Variants in FOXN3 observed in about 807,000 individuals in gnomAD.
FOXN3 encodes forkhead box protein N3.
Under a neutral mutation model 38.4 loss-of-function variants are expected in FOXN3, and 7 were observed. That is an observed-to-expected ratio of 0.18 (90% CI 0.10 to 0.34). The LOEUF is 0.34. Ranked by LOEUF, FOXN3 falls within the 10% of genes least tolerant of loss-of-function variation. FOXN3 has a pLI of 1.00. For missense variants in FOXN3, 456 were observed against 613.4 expected (o/e 0.74, Z 2.71); for synonymous variants, 230 against 242.2 (o/e 0.95, Z 0.47).
chr14:89,368,856 A>G (rs1260433464), intron 2 of FOXN3, among the ~76,000 whole-genome samples: 4 of 152,202 alleles, frequency 2.6e-5, no homozygotes, highest in Admixed American at 1.3e-4. Flanking sequence ...CAGTTAATTA[A>G]TAACTGACGT....
chr14:89,218,837 T>C (rs1884366160), intron 4 of FOXN3, among the ~76,000 whole-genome samples: 1 of 152,210 alleles, frequency 6.6e-6, no homozygotes, highest in Admixed American at 6.5e-5. Context: ...ACAGTCACCA[T>C]TATGACCCTA....
At position 89,553,714 on chromosome 14, in the gene FOXN3, G is replaced by A. The variant is rs372575092; in HGVS notation, c.-15+65314C>T. Among the ~76,000 whole-genome samples, 47 of 152,138 alleles carry A rather than the reference G, an allele frequency of 3.1e-4. 1 individual carries two copies. The highest frequency in any genetic ancestry group is 9.6e-4 in the East Asian group (5 of 5,196). On this transcript the variant is annotated intron_variant, in intron 1 of 6. Transcript: ENST00000345097. ...CAGGGAAAGGGAATATCTAGGTGAG[G>A]TTTGATGATCACAACTACTCAAGGA...
At chr14:89,204,858 C>A (rs186204221) in intron 4 of FOXN3, among the ~76,000 whole-genome samples, 10 of 152,246 alleles carry the variant, frequency 6.6e-5, no homozygotes, top group Admixed American at 6.5e-4. Context: ...ATCCATCCAT[C>A]CATCATTGAG....
At chr14:89,360,591 A>C (rs1889443601) in intron 2 of FOXN3, among the ~76,000 whole-genome samples, 1 of 147,972 alleles carries the variant, frequency 6.8e-6, no homozygotes, top group African/African-American at 2.5e-5. Flanking sequence ...GAAGAAAGGG[A>C]GAGAGGGAGG....
intron 1 of FOXN3, among the ~76,000 whole-genome samples, chr14:89,555,837 T>TGGTGTGTG (rs1895103888): frequency 1.8e-5 from 1 of 56,374 alleles, no homozygotes; most frequent in South Asian, 5.9e-4. Flanking sequence ...TTCTAGTTCA[T>TGGTGTGTG]GGTGTGTGTG....
chr14:89,512,325 C>T (rs1255778854), intron 1 of FOXN3, among the ~76,000 whole-genome samples: 1 of 152,184 alleles, frequency 6.6e-6, no homozygotes, highest in Non-Finnish European at 1.5e-5. Flanking sequence ...AACATTTTTA[C>T]ACGGCATAGG....
chr14:89,302,555 T>C (rs957732365), intron 3 of FOXN3, among the ~76,000 whole-genome samples: 2 of 152,212 alleles, frequency 1.3e-5, no homozygotes, highest in African/African-American at 4.8e-5. Context: ...TGGAGGAAAC[T>C]GACTCACACA....
intron 3 of FOXN3, among the ~76,000 whole-genome samples, chr14:89,281,235 C>T (rs1042253848): frequency 1.4e-4 from 21 of 152,188 alleles, no homozygotes; most frequent in Admixed American, 1.3e-3. Context: ...CATCTTGACC[C>T]TGCTCACACC....
intron 2 of FOXN3, among the ~76,000 whole-genome samples, chr14:89,370,097 A>G (rs980068710): frequency 3.3e-5 from 5 of 152,182 alleles, no homozygotes; most frequent in African/African-American, 1.2e-4. Context: ...TTCTTTAATT[A>G]TTCATTTCAG....
At chr14:89,506,095 CAGCCGCCCCGTCCG>C (rs1566678934) in intron 1 of FOXN3, among the ~76,000 whole-genome samples, 1 of 140,808 alleles carries the variant, frequency 7.1e-6, no homozygotes, top group Non-Finnish European at 1.5e-5. Context: ...CCCGCCCGGC[CAGCCGCCCCGTCCG>C]GGAGGTGAGG....
At chr14:89,427,508 G>A (rs1185258908) in intron 1 of FOXN3, among the ~76,000 whole-genome samples, 2 of 143,464 alleles carry the variant, frequency 1.4e-5, no homozygotes, top group Admixed American at 1.4e-4. Flanking sequence ...TAGTAGAGAT[G>A]GGGTTTCACC....
At chr14:89,566,231 C>T (rs553112106) in intron 1 of FOXN3, among the ~76,000 whole-genome samples, 1 of 152,284 alleles carries the variant, frequency 6.6e-6, no homozygotes, top group South Asian at 2.1e-4. Flanking sequence ...TGTCAAATGA[C>T]ACCCTTTCAT....
intron 4 of FOXN3, among the ~76,000 whole-genome samples, chr14:89,270,381 C>A (rs1026442207): frequency 6.6e-6 from 1 of 152,230 alleles, no homozygotes. Flanking sequence ...CAAGACATTG[C>A]AGAAATGCTA....
intron 5 of FOXN3, among the ~76,000 whole-genome samples, chr14:89,178,549 T>C (rs1316427021): frequency 6.6e-6 from 1 of 152,206 alleles, no homozygotes; most frequent in Non-Finnish European, 1.5e-5. Context: ...GGCTGTCTTG[T>C]TTTCTTTTAC....
At chr14:89,257,173 T>G (rs772116397) in intron 4 of FOXN3, among the ~76,000 whole-genome samples, 13 of 152,178 alleles carry the variant, frequency 8.5e-5, no homozygotes, top group Non-Finnish European at 1.8e-4. Flanking sequence ...TATGGACACA[T>G]GGACCTATTT....
intron 3 of FOXN3, among the ~76,000 whole-genome samples, chr14:89,309,056 CTT>C (rs567325293): frequency 2.6e-5 from 4 of 152,136 alleles, no homozygotes; most frequent in Non-Finnish European, 4.4e-5. Flanking sequence ...AAAACTGTCT[CTT>C]TGTTTGTTTT....
chr14:89,229,633 G>C lies in FOXN3; in HGVS notation c.746-48827C>G, dbSNP rs1884746946. 3.9e-5 allele frequency among the ~76,000 whole-genome samples: 6 copies of C among 152,124 alleles called. No individual in the cohort carries two copies. The South Asian group carries it at 1.2e-3, about 32-fold the overall frequency. ...CTTCCCTAGCAGAAAATACACTTCC[G>C]ATGGTGTTTCTTTAGTAGGCATGTG... On this transcript the variant is annotated intron_variant, in intron 4 of 5. Coordinates refer to ENST00000557258, the MANE Select transcript of FOXN3 (RefSeq NM_005197.4).
At chr14:89,207,765 A>G (rs1380784587) in intron 4 of FOXN3, among the ~76,000 whole-genome samples, 1 of 152,246 alleles carries the variant, frequency 6.6e-6, no homozygotes, top group Non-Finnish European at 1.5e-5. Context: ...CCCTTTGTCA[A>G]CAAAGACAGG....
chr14:89,572,952 G>A (rs1363643443), intron 1 of FOXN3, among the ~76,000 whole-genome samples: 1 of 152,250 alleles, frequency 6.6e-6, no homozygotes, highest in Non-Finnish European at 1.5e-5. Flanking sequence ...TCCTGGCAGA[G>A]AGGGAGGCAG....
Sources: allele counts gnomAD v4.1 joint callset (sites outside exome capture counted in the v4.1 genomes callset), GRCh38; gene constraint gnomAD v4.1.1; transcripts MANE v1.5; gene names NCBI Gene and HGNC (gene_info 2026-07-23, HGNC 2026-07-21).